ECPAS: variants seen among roughly 807,000 people sequenced by gnomAD.
The protein encoded by ECPAS is proteasome adapter and scaffold protein ECM29.
In ECPAS, 70 loss-of-function variants were observed where a neutral mutation model predicts 255.1. That is an observed-to-expected ratio of 0.27 (90% confidence interval 0.23 to 0.33). The LOEUF is 0.33. Ranked by LOEUF, ECPAS falls within the 10% of genes least tolerant of loss-of-function variation. The probability of loss-of-function intolerance (pLI) is 1.00; values close to 1 mark genes in which losing one functional copy is unlikely to be tolerated. For missense variants in ECPAS, 1,817 were observed against 2,206.4 expected (o/e 0.82, Z 3.54); for synonymous variants, 784 against 775.0 (o/e 1.01, Z -0.19).
chr9:111,480,917 T>C (rs376779886), intron 1 of ECPAS, among the ~76,000 whole-genome samples: 2 of 152,244 alleles, frequency 1.3e-5, no homozygotes, highest in South Asian at 4.1e-4. Context: ...CCTGAATGTA[T>C]GGAAGCACAC....
Position 111,411,126 on chromosome 9 carries a change from T to G in ECPAS, c.2231A>C (p.His744Pro). The G allele has an allele frequency of 6.2e-7, 1 of 1,613,802 alleles. No individual in the cohort carries two copies. Among genetic ancestry groups the G allele is most frequent in the African/African-American group, 1.3e-5 (1 of 75,002 alleles). ...TKDNHSPEIQ[H>P]GSLLALGFTV... Reference sequence around the variant, plus strand: ...GAATCCCAATGCAAGCAAGGATCCATGCTGTATCTCCGGGCTCTGAATTTA... The same window carrying G: ...GAATCCCAATGCAAGCAAGGATCCAGGCTGTATCTCCGGGCTCTGAATTTA... Residue 744 changes from histidine to proline, a missense_variant, in exon 22 of 50, where the codon CAT becomes CCT. By Grantham distance (77) the His-to-Pro change is moderately conservative. This residue lies in a region of ECPAS where 194 missense variants were observed against 152.8 expected (regional missense o/e 1.27). Transcript: ENST00000684092.
chr9:111,391,784 C>T lies in ECPAS; in HGVS notation c.3133G>A (p.Gly1045Arg), dbSNP rs1419108077. 3 of 1,609,558 alleles carry T rather than the reference C, an allele frequency of 1.9e-6. No homozygotes were observed. ...TCTGGTGTTTTGCCAAGAGCTCCCC[C>T]TTGAAATACCACTGTCTCTCCAGAA... ...EVSGETVVFQGGALGKTPDGQ... is the reference protein window; with the variant it reads ...EVSGETVVFQRGALGKTPDGQ... Residue 1045 changes from glycine (G) to arginine (R), a missense_variant, in exon 29 of 50, where the codon GGG (glycine) becomes AGG (arginine). By Grantham distance (125) the Gly-to-Arg change is moderately radical. Transcript: ENST00000684092.
intron 1 of ECPAS, among the ~76,000 whole-genome samples, chr9:111,473,292 A>G (rs925390106): frequency 3.9e-5 from 6 of 152,254 alleles, no homozygotes; most frequent in Admixed American, 6.5e-5. Context: ...TCATATATGT[A>G]TATGTGTGTA....
chr9:111,448,251 T>C (rs1021632004), intron 3 of ECPAS, among the ~76,000 whole-genome samples: 7 of 151,984 alleles, frequency 4.6e-5, no homozygotes, highest in Non-Finnish European at 8.8e-5. Context: ...ATCTCAAAAA[T>C]ATGTGACATT....
At chr9:111,371,589 T>C in intron 43 of ECPAS, 32 bp downstream of exon 43, 1 of 1,559,388 alleles carries the variant, frequency 6.4e-7, no homozygotes, top group Non-Finnish European at 8.8e-7. Flanking sequence ...GAAGTCAGAA[T>C]CCCTTTAACT....
intron 8 of ECPAS, among the ~76,000 whole-genome samples, chr9:111,431,671 G>T (rs1317807554): frequency 6.6e-6 from 1 of 151,694 alleles, no homozygotes; most frequent in Non-Finnish European, 1.5e-5. Context: ...TCATTTGACT[G>T]GTTTACCATA....
chr9:111,376,656 C>T (rs748153899), intron 36 of ECPAS, 115 bp from the exon 37 acceptor site: 126 of 772,564 alleles, frequency 1.6e-4, no homozygotes, highest in Middle Eastern at 2.3e-4. Context: ...AAAAATAATC[C>T]GTAGCTATAA....
At chr9:111,473,490 A>T (rs1268488404) in intron 1 of ECPAS, among the ~76,000 whole-genome samples, 1 of 152,016 alleles carries the variant, frequency 6.6e-6, no homozygotes, top group Non-Finnish European at 1.5e-5. Context: ...CCTTTCTCTG[A>T]TTATCTTCCT....
intron 23 of ECPAS, among the ~76,000 whole-genome samples, chr9:111,409,527 G>A (rs1381096882): frequency 1.3e-5 from 2 of 151,478 alleles, no homozygotes; most frequent in African/African-American, 2.4e-5. Flanking sequence ...TCACGCCATT[G>A]CACTTTAGCT....
chr9:111,470,715 C>T (rs1049727435), intron 2 of ECPAS, among the ~76,000 whole-genome samples: 1 of 149,664 alleles, frequency 6.7e-6, no homozygotes. Flanking sequence ...GCACCCACTT[C>T]CCCACAACCC....
intron 42 of ECPAS, 127 bp downstream of exon 42, chr9:111,372,302 A>T: frequency 1.1e-6 from 1 of 888,838 alleles, no homozygotes; most frequent in East Asian, 2.4e-5. Context: ...TGGGTTTAAA[A>T]CTAAATGGGA....
Position 111,414,670 on chromosome 9 carries a change from G to A in ECPAS, c.1765-19C>T, listed in dbSNP as rs1311923583. 1 of 1,594,288 alleles carries A rather than the reference G, an allele frequency of 6.3e-7. No homozygotes were observed. The highest frequency in any genetic ancestry group is 8.6e-7 in the Non-Finnish European group (1 of 1,166,966). On this transcript the variant is annotated intron_variant, in intron 18 of 49. Coordinates refer to ENST00000684092, the MANE Select transcript of ECPAS (RefSeq NM_001364929.1). ...GAACGATCTACAAACAGAACGGAGA[G>A]GAAGACTGCATAAGCTTCTCGAAAA...
intron 1 of ECPAS, among the ~76,000 whole-genome samples, chr9:111,478,245 T>C (rs1007326529): frequency 2.0e-5 from 3 of 151,404 alleles, no homozygotes; most frequent in African/African-American, 7.3e-5. Context: ...AAAAAATAAA[T>C]AGGCCGGACA....
intron 29 of ECPAS, 85 bp from the exon 30 acceptor site, chr9:111,390,186 A>G (rs185879871): frequency 1.1e-5 from 8 of 713,052 alleles, no homozygotes; most frequent in Non-Finnish European, 1.4e-5. Context: ...TTACTAGGAC[A>G]TACTAAAATC....
At chr9:111,390,885 G>A (rs151116955) in intron 29 of ECPAS, among the ~76,000 whole-genome samples, 3,143 of 152,292 alleles carry the variant, frequency 0.021, 90 homozygotes, top group Admixed American at 0.079. Flanking sequence ...CAAAACTAGC[G>A]GCAGTGGGTG....
Position 111,406,773 on chromosome 9 carries a change from G to A in ECPAS, c.2652+1798C>T, listed in dbSNP as rs898937329. Among the ~76,000 whole-genome samples, 17 of 149,160 alleles carry A rather than the reference G, an allele frequency of 1.1e-4. 1 individual carries two copies. Among genetic ancestry groups the A allele is most frequent in the African/African-American group, 3.3e-4 (13 of 39,118 alleles). On this transcript the variant is annotated intron_variant, in intron 24 of 49. Transcript: ENST00000684092. ...TAAAATATTAGCCAGGCATGGTGGC[G>A]CATGCCTGTGGTCCCAGCTGCTTAG...
At chr9:111,367,459 A>G (rs2098121774) in intron 46 of ECPAS, among the ~76,000 whole-genome samples, 1 of 152,214 alleles carries the variant, frequency 6.6e-6, no homozygotes, top group Non-Finnish European at 1.5e-5. Flanking sequence ...ATTAAAATAA[A>G]CTGCTTTATG....
intron 1 of ECPAS, 163 bp downstream of exon 1, chr9:111,483,953 G>C: frequency 1.0e-6 from 1 of 961,386 alleles, no homozygotes; most frequent in Middle Eastern, 5.3e-4. Context: ...GCGCCCGCCC[G>C]CCCTCGCTCG....
intron 35 of ECPAS, among the ~76,000 whole-genome samples, chr9:111,380,677 T>A (rs951221568): frequency 6.6e-6 from 1 of 152,240 alleles, no homozygotes; most frequent in Non-Finnish European, 1.5e-5. Flanking sequence ...TTCATCTCCA[T>A]TGAAAATCTG....
Sources: allele counts gnomAD v4.1 joint callset (sites outside exome capture counted in the v4.1 genomes callset), GRCh38; gene constraint gnomAD v4.1.1; regional missense constraint gnomAD v4.1.1; transcripts MANE v1.5; gene names NCBI Gene and HGNC (gene_info 2026-07-23, HGNC 2026-07-21).